The following TPH1 variants were observed in gnomAD, a reference collection of about 807,000 sequenced individuals.
The protein encoded by TPH1 is tryptophan 5-hydroxylase 1.
A neutral mutation model predicts 49.5 loss-of-function variants in TPH1; 37 were observed. The ratio of observed to expected loss-of-function variants is 0.75; its 90% CI spans 0.58 to 0.98. TPH1 has a LOEUF of 0.98. TPH1 is among the 50% of genes least tolerant of loss of function. The pLI is 0.00. For missense variants in TPH1, 487 were observed against 523.6 expected (o/e 0.93, Z 0.68); for synonymous variants, 160 against 182.1 (o/e 0.88, Z 0.98).
At chr11:18,044,072 T>C (rs763937290) in intron 1 of TPH1, among the ~76,000 whole-genome samples, 65 of 152,162 alleles carry the variant, frequency 4.3e-4, no homozygotes, top group Admixed American at 6.5e-4. Context: ...GAAGGATACA[T>C]TAATTGAAAT....
rs367617104 is a variant in TPH1, at chr11:18,023,856, T to C, written c.1026+32A>G. 4.5e-5 allele frequency: 68 copies of C among 1,527,048 alleles called. No homozygotes were observed. In the African/African-American group the frequency reaches 9.0e-4, roughly 20 times the overall value. 94.6% of individuals were successfully genotyped at this position (1,527,048 alleles called of 1,614,324 possible). A position where few individuals can be genotyped will look rare whatever the true frequency, so the allele number is the denominator to read the frequency against. Reference sequence around the variant, plus strand: ...GGTTTTATCAATTATGTTAGGTGAATATGGTTATATACAAAGATTTGCAAC... The same window carrying C: ...GGTTTTATCAATTATGTTAGGTGAACATGGTTATATACAAAGATTTGCAAC... On this transcript the variant is annotated intron_variant, in intron 9 of 10. Transcript: ENST00000682019.
intron 6 of TPH1, among the ~76,000 whole-genome samples, chr11:18,027,006 A>G (rs1003363232): frequency 1.3e-5 from 2 of 152,242 alleles, no homozygotes; most frequent in African/African-American, 4.8e-5. Context: ...AAGGGGTTAT[A>G]CTATCTCCTA....
intron 4 of TPH1, among the ~76,000 whole-genome samples, chr11:18,031,708 T>G (rs2134029826): frequency 6.6e-6 from 1 of 152,238 alleles, no homozygotes; most frequent in South Asian, 2.1e-4. Context: ...GTACTCACCT[T>G]TCCATAAACA....
At chr11:18,040,910 G>A in intron 1 of TPH1, 122 bp from the exon 2 acceptor site, 1 of 897,544 alleles carries the variant, frequency 1.1e-6, no homozygotes, top group Non-Finnish European at 1.7e-6. Context: ...ATAAAACCTG[G>A]ATATGCAGAT....
chr11:18,033,518 G>A (rs1312081764), intron 3 of TPH1, 144 bp from the exon 4 acceptor site: 1 of 661,398 alleles, frequency 1.5e-6, no homozygotes, highest in African/African-American at 1.8e-5. Context: ...ATTTATATGA[G>A]TTAGGTAAAT....
intron 4 of TPH1, among the ~76,000 whole-genome samples, chr11:18,031,195 T>G (rs1847987693): frequency 6.6e-6 from 1 of 152,214 alleles, no homozygotes; most frequent in South Asian, 2.1e-4. Flanking sequence ...TTCTAGACAT[T>G]TCATATAAAA....
At position 18,017,849 on chromosome 11, in the gene TPH1, G is replaced by C. The variant is rs1032780836; in HGVS notation, c.*3142C>G. 2.6e-5 allele frequency: 4 copies of C among 152,178 alleles called. No individual in the cohort carries two copies. Among genetic ancestry groups the C allele is most frequent in the Non-Finnish European group, 4.4e-5 (3 of 68,036 alleles). 9.4% of individuals were successfully genotyped at this position (152,178 alleles called of 1,614,324 possible). On this transcript the variant is annotated 3_prime_UTR_variant, in exon 11 of 11. Transcript: ENST00000682019. ...CAGAATATGTAGATAAAGAAATGTA[G>C]GTATTCTGAAGACCAGCTTTTGAGC...
At chr11:18,026,366 G>A in intron 7 of TPH1, 124 bp downstream of exon 7, 1 of 916,174 alleles carries the variant, frequency 1.1e-6, no homozygotes, top group Non-Finnish European at 1.6e-6. Flanking sequence ...TGCTTCACAT[G>A]TGCTAATTTA....
chr11:18,019,663 G>A lies in TPH1; in HGVS notation c.*1328C>T, dbSNP rs574650130. 2.4e-5 allele frequency: 11 copies of A among 461,610 alleles called. No homozygotes were observed. Among genetic ancestry groups the A allele is most frequent in the Non-Finnish European group, 4.8e-5 (11 of 229,572 alleles). 28.6% of individuals were successfully genotyped at this position (461,610 alleles called of 1,614,324 possible). The stretch of plus-strand genomic sequence containing the variant: ...AAGAACTGAAGTCATGTATCTGGGT[G>A]ACATTCCCCATGAAGAGATGGCAAA... On this transcript the variant is annotated 3_prime_UTR_variant, in exon 11 of 11. Transcript: ENST00000682019.
chr11:18,034,258 T>C (rs1848022322), intron 3 of TPH1, among the ~76,000 whole-genome samples: 1 of 152,166 alleles, frequency 6.6e-6, no homozygotes, highest in Non-Finnish European at 1.5e-5. Flanking sequence ...ACAGATGAGG[T>C]AATCAAACTC....
intron 7 of TPH1, 48 bp from the exon 8 acceptor site, chr11:18,025,749 T>G (rs754224668): frequency 9.1e-5 from 147 of 1,610,832 alleles, no homozygotes; most frequent in Non-Finnish European, 1.2e-4. Context: ...TAACATACGT[T>G]TATAATCAAC....
chr11:18,028,394 A>G (rs947854600), intron 6 of TPH1, among the ~76,000 whole-genome samples: 6 of 152,212 alleles, frequency 3.9e-5, no homozygotes, highest in African/African-American at 1.4e-4. Flanking sequence ...GGAACTAACC[A>G]TCTCATCAGC....
In TPH1 at chr11:18,033,909, C is replaced by T. The variant is rs546788970; in HGVS notation, c.302-535G>A. On this transcript the variant is annotated intron_variant, in intron 3 of 10. Transcript: ENST00000682019. ...ATTCCACTCCCATTCCCTGCCCCAC[C>T]CTACCCTTCTGTTTTCCTGAGAATA... Among the ~76,000 whole-genome samples the T allele has an allele frequency of 9.9e-5, 15 of 152,256 alleles. No individual in the cohort carries two copies. The South Asian group carries it at 2.3e-3, about 23-fold the overall frequency.
chr11:18,040,702 T>C lies in TPH1; in HGVS notation c.61A>G (p.Ile21Val). The C allele has an allele frequency of 1.2e-6, 2 of 1,612,600 alleles. No homozygotes were observed. Among genetic ancestry groups the C allele is most frequent in the Non-Finnish European group, 1.7e-6 (2 of 1,179,194 alleles). The change falls in exon 2 of 11, where the codon ATT (isoleucine) becomes GTT (valine). Residue 21 changes from isoleucine to valine, a missense_variant. Ile to Val is a conservative substitution (Grantham distance 29). Transcript: ENST00000682019. ...CCAACTTCATTCTTTAAGGAAAAAATGAGACTTGCTCTTCCCCTTTCTAAG... is the reference window on the plus strand; with the variant it reads ...CCAACTTCATTCTTTAAGGAAAAAACGAGACTTGCTCTTCCCCTTTCTAAG... Reference protein sequence around the residue: ...HSLERGRASLIFSLKNEVGGL... With the variant: ...HSLERGRASLVFSLKNEVGGL...
chr11:18,025,545 G>A (rs1213997475), intron 8 of TPH1, 30 bp downstream of exon 8: 1 of 1,613,064 alleles, frequency 6.2e-7, no homozygotes, highest in Non-Finnish European at 8.5e-7. Flanking sequence ...CCTACCCCAG[G>A]TGAAAATATA....
intron 6 of TPH1, among the ~76,000 whole-genome samples, chr11:18,028,266 T>A (rs887861686): frequency 4.6e-5 from 7 of 152,238 alleles, no homozygotes; most frequent in African/African-American, 1.7e-4. Flanking sequence ...CCATCTTTTT[T>A]CTTGCTAAAA....
chr11:18,022,534 T>G (rs1454417939), intron 10 of TPH1, among the ~76,000 whole-genome samples: 2 of 152,180 alleles, frequency 1.3e-5, no homozygotes, highest in African/African-American at 2.4e-5. Flanking sequence ...ATATCATCTA[T>G]TTTCCCTATT....
intron 6 of TPH1, among the ~76,000 whole-genome samples, chr11:18,027,088 G>A (rs967387955): frequency 6.6e-6 from 1 of 152,148 alleles, no homozygotes; most frequent in African/African-American, 2.4e-5. Context: ...TTGAAGCTGT[G>A]CCATTTTTAG....
At chr11:18,037,418 T>C (rs1384268026) in intron 2 of TPH1, among the ~76,000 whole-genome samples, 1 of 150,716 alleles carries the variant, frequency 6.6e-6, no homozygotes, top group Non-Finnish European at 1.5e-5. Flanking sequence ...GAGTGAGTGA[T>C]AGAGGATGTT....
Sources: gnomAD v4.1 joint callset for allele counts (sites outside exome capture counted in the v4.1 genomes callset) on GRCh38, gnomAD v4.1.1 for gene constraint, MANE v1.5 for transcripts, NCBI Gene and HGNC (gene_info 2026-07-23, HGNC 2026-07-21) for gene names.